COL21A1: variants seen among roughly 807,000 people sequenced by gnomAD.
The protein encoded by COL21A1 is collagen alpha-1(XXI) chain.
COL21A1 carries 149 observed loss-of-function variants against 137.9 expected under a neutral mutation model. That is an observed-to-expected ratio of 1.08 (90% CI 0.95 to 1.24). The LOEUF (loss-of-function observed/expected upper bound fraction) is 1.24, where lower values mean the gene tolerates loss of function less well. Ranked by LOEUF, COL21A1 falls within the 50% of genes most tolerant of loss-of-function variation. The pLI is 0.00. For synonymous variants in COL21A1, 456 were observed against 391.5 expected, an observed-to-expected ratio of 1.16 and a Z score of -1.95; for missense variants, 1,167 against 1,158.4, an observed-to-expected ratio of 1.01 and a Z score of -0.11.
chr6:56,238,267 C>T (rs1039374685), intron 1 of COL21A1, among the ~76,000 whole-genome samples: 2 of 151,906 alleles, frequency 1.3e-5, no homozygotes, highest in Admixed American at 6.6e-5. Flanking sequence ...ATATTTAGGG[C>T]TGCATCCCTA....
chr6:56,272,441 G>T (rs1562034363), intron 1 of COL21A1, among the ~76,000 whole-genome samples: 1 of 152,158 alleles, frequency 6.6e-6, no homozygotes, highest in South Asian at 2.1e-4. Flanking sequence ...CAGGCTCATA[G>T]GCGGAAGGGA....
chr6:56,308,502 T>G (rs987373557), intron 1 of COL21A1, among the ~76,000 whole-genome samples: 9 of 152,358 alleles, frequency 5.9e-5, no homozygotes, highest in South Asian at 2.1e-4. Context: ...GGCATGATTC[T>G]ATTAATACGA....
chr6:56,078,614 T>C (rs1767448751), intron 17 of COL21A1, among the ~76,000 whole-genome samples: 2 of 151,666 alleles, frequency 1.3e-5, no homozygotes, highest in Admixed American at 1.3e-4. Context: ...TATCTTTATT[T>C]TCACACCCTG....
At chr6:56,153,468 A>T (rs1217026503) in intron 10 of COL21A1, among the ~76,000 whole-genome samples, 3 of 151,814 alleles carry the variant, frequency 2.0e-5, no homozygotes, top group African/African-American at 7.3e-5. Context: ...ACATGCTACA[A>T]TATCTCCCAT....
chr6:56,331,821 G>T (rs1159605088), intron 1 of COL21A1: 3 of 120,448 alleles, frequency 2.5e-5, no homozygotes, highest in Non-Finnish European at 5.2e-5. Flanking sequence ...GCATCTGCAG[G>T]TCTAACTCAG....
At position 56,101,593 on chromosome 6, in the gene COL21A1, T is replaced by C. The variant is rs1294118734; in HGVS notation, c.1759-68A>G. ...AGGTCTGCTTACCAAAATAACAATA[T>C]ATAACATTACATATTAAAGAACATT... On this transcript the variant is annotated intron_variant, in intron 16 of 29. Coordinates refer to ENST00000244728, the MANE Select transcript of COL21A1 (RefSeq NM_030820.4). The C allele has an allele frequency of 1.0e-5, 11 of 1,076,788 alleles. No individual in the cohort carries two copies. In the South Asian group the frequency reaches 1.4e-4, roughly 13 times the overall value. 66.7% of individuals were successfully genotyped at this position (1,076,788 alleles called of 1,614,324 possible). A position where few individuals can be genotyped will look rare whatever the true frequency, so the allele number is the denominator to read the frequency against.
At chr6:56,084,171 T>C (rs1313104000) in intron 17 of COL21A1, among the ~76,000 whole-genome samples, 4 of 151,732 alleles carry the variant, frequency 2.6e-5, no homozygotes, top group Admixed American at 6.6e-5. Context: ...GTCACACTTA[T>C]AGGGATATAT....
chr6:56,264,725 T>C (rs183174900), intron 1 of COL21A1, among the ~76,000 whole-genome samples: 127 of 152,350 alleles, frequency 8.3e-4, no homozygotes, highest in African/African-American at 3.0e-3. Context: ...GATGTTCTTC[T>C]GTTTCATACC....
chr6:56,357,020 A>G (rs960881123), intron 1 of COL21A1, among the ~76,000 whole-genome samples: 10 of 152,164 alleles, frequency 6.6e-5, no homozygotes, highest in Admixed American at 2.6e-4. Flanking sequence ...TCATAAATTT[A>G]CTTCTTTGTA....
At chr6:56,170,596 A>G (rs1776956824) in intron 5 of COL21A1, 53 bp downstream of exon 5, 4 of 1,260,138 alleles carry the variant, frequency 3.2e-6, no homozygotes, top group African/African-American at 3.0e-5. Context: ...CATAAACCCA[A>G]TAGTGCTTCC....
intron 1 of COL21A1, among the ~76,000 whole-genome samples, chr6:56,187,122 G>T (rs910729145): frequency 6.6e-6 from 1 of 152,140 alleles, no homozygotes; most frequent in Non-Finnish European, 1.5e-5. Context: ...GTCTAAGGGC[G>T]AAATCTGGTG....
chr6:56,086,335 C>T (rs555290568), intron 17 of COL21A1, among the ~76,000 whole-genome samples: 9 of 152,118 alleles, frequency 5.9e-5, no homozygotes, highest in South Asian at 2.1e-4. Context: ...TGAAAATCCA[C>T]GGTTAAATTT....
intron 17 of COL21A1, among the ~76,000 whole-genome samples, chr6:56,089,076 A>G (rs1582299720): frequency 6.6e-6 from 1 of 152,114 alleles, no homozygotes; most frequent in South Asian, 2.1e-4. Context: ...GGCTTGAACC[A>G]CCACACTCGG....
intron 1 of COL21A1, among the ~76,000 whole-genome samples, chr6:56,365,149 T>C (rs1209991516): frequency 6.6e-6 from 1 of 152,158 alleles, no homozygotes; most frequent in Non-Finnish European, 1.5e-5. Context: ...ATAAAAACAA[T>C]TACAGCTCAC....
At chr6:56,362,907 C>A (rs890149151) in intron 1 of COL21A1, among the ~76,000 whole-genome samples, 1 of 152,114 alleles carries the variant, frequency 6.6e-6, no homozygotes, top group East Asian at 1.9e-4. Flanking sequence ...CTACCCCCCA[C>A]GCCCACATTG....
chr6:56,225,504 G>A (rs1781129440), intron 1 of COL21A1, among the ~76,000 whole-genome samples: 1 of 152,048 alleles, frequency 6.6e-6, no homozygotes, highest in South Asian at 2.1e-4. Flanking sequence ...CAACAAAAAT[G>A]TACTTGACAG....
intron 1 of COL21A1, among the ~76,000 whole-genome samples, chr6:56,214,367 ATCTCAC>A (rs1780357526): frequency 6.6e-6 from 1 of 152,138 alleles, no homozygotes; most frequent in Non-Finnish European, 1.5e-5. Context: ...TGTGAAAAGC[ATCTCAC>A]TGAATTGAAT....
intron 1 of COL21A1, among the ~76,000 whole-genome samples, chr6:56,391,864 TA>T (rs1209045645): frequency 6.6e-6 from 1 of 152,016 alleles, no homozygotes; most frequent in African/African-American, 2.4e-5. Context: ...AAACTGTAAT[TA>T]AAAAGTCTCC....
rs774226682 is a variant in COL21A1 at position 56,061,634 on chromosome 6, T to C, written c.2205+15A>G. ...AGAAAGAGAGCAAGAGAGCATAATA[T>C]ATGAAGAAACATACCTCTCCTTTTG... On this transcript the variant is annotated intron_variant, in intron 25 of 29. Coordinates refer to ENST00000244728, the MANE Select transcript of COL21A1 (RefSeq NM_030820.4). 2.5e-6 allele frequency: 4 copies of C among 1,569,158 alleles called. No individual in the cohort carries two copies. The highest frequency in any genetic ancestry group is 3.5e-6 in the Non-Finnish European group (4 of 1,144,938).
Sources: gnomAD v4.1 joint callset for allele counts (sites outside exome capture counted in the v4.1 genomes callset) on GRCh38, gnomAD v4.1.1 for gene constraint, MANE v1.5 for transcripts, NCBI Gene and HGNC (gene_info 2026-07-23, HGNC 2026-07-21) for gene names.